Variants in GRHL2 observed in about 807,000 individuals in gnomAD.
GRHL2 encodes grainyhead-like protein 2 homolog.
A neutral mutation model predicts 83.8 loss-of-function variants in GRHL2; 21 were observed. The observed-to-expected ratio is 0.25, with a 90% CI of 0.18 to 0.36. The LOEUF is 0.36. Ranked by LOEUF, GRHL2 falls within the 10% of genes least tolerant of loss-of-function variation. The pLI is 1.00. For synonymous variants in GRHL2, 280 were observed against 278.9 expected (o/e 1.00, Z -0.04); for missense variants, 623 against 781.8 (o/e 0.80, Z 2.42).
At chr8:101,574,150 G>A (rs1189968787) in intron 6 of GRHL2, among the ~76,000 whole-genome samples, 1 of 152,188 alleles carries the variant, frequency 6.6e-6, no homozygotes, top group East Asian at 1.9e-4. Context: ...GTAAGTAGCT[G>A]TAAGTCAGAA....
At chr8:101,517,473 G>A (rs113633204) in intron 1 of GRHL2, among the ~76,000 whole-genome samples, 27 of 152,240 alleles carry the variant, frequency 1.8e-4, no homozygotes, top group African/African-American at 6.5e-4. Context: ...GCCACTAATG[G>A]CCACCAGCGC....
chr8:101,516,877 C>T (rs1300046015), intron 1 of GRHL2, among the ~76,000 whole-genome samples: 1 of 152,198 alleles, frequency 6.6e-6, no homozygotes, highest in African/African-American at 2.4e-5. Context: ...CCATCTGAAA[C>T]CTGCTTGCAT....
At chr8:101,515,155 T>C (rs987474561) in intron 1 of GRHL2, among the ~76,000 whole-genome samples, 1 of 130,808 alleles carries the variant, frequency 7.6e-6, no homozygotes, top group Non-Finnish European at 1.6e-5. Context: ...TCCCTCTCTC[T>C]TTCTCTCTCT....
chr8:101,531,675 T>C (rs1810932381), intron 1 of GRHL2, among the ~76,000 whole-genome samples: 3 of 152,212 alleles, frequency 2.0e-5, no homozygotes, highest in Non-Finnish European at 4.4e-5. Flanking sequence ...TTTCACTTTC[T>C]ATTGTTATAT....
At position 101,669,246 on chromosome 8, in the gene GRHL2, ATTTTTTTCTTT is replaced by A. The variant is rs1814150623; in HGVS notation, c.*2551_*2561del. The A allele has an allele frequency of 1.0e-4, 1 of 9,728 alleles. No individual in the cohort carries two copies. Among genetic ancestry groups the A allele is most frequent in the Admixed American group, 1.3e-3 (1 of 800 alleles). 0.6% of individuals were successfully genotyped at this position (9,728 alleles called of 1,614,324 possible). On this transcript the variant is annotated 3_prime_UTR_variant, in exon 16 of 16. Coordinates refer to ENST00000646743, the MANE Select transcript of GRHL2 (RefSeq NM_024915.4). The stretch of plus-strand genomic sequence containing the variant: ...AAGATCATGGACATGTGAAATGAGC[ATTTTTTTCTTT>A]TTTTTTTTTAACAAAGTCTGAACTG...
At chr8:101,632,127 A>G (rs1290982339) in intron 10 of GRHL2, 99 bp from the exon 11 acceptor site, 23 of 1,301,744 alleles carry the variant, frequency 1.8e-5, no homozygotes, top group Admixed American at 1.7e-5. Flanking sequence ...GGTATTCAGA[A>G]AGCTTCATAT....
chr8:101,539,844 G>A (rs1048173272), intron 1 of GRHL2, among the ~76,000 whole-genome samples: 1 of 152,086 alleles, frequency 6.6e-6, no homozygotes, highest in Admixed American at 6.5e-5. Context: ...CCTGTCATTA[G>A]GTTAGTCCCC....
intron 1 of GRHL2, among the ~76,000 whole-genome samples, chr8:101,493,813 C>A (rs1447912383): frequency 6.6e-6 from 1 of 151,982 alleles, no homozygotes; most frequent in Admixed American, 6.5e-5. Context: ...ACAGCCTGCG[C>A]GGCCGGAGCC....
chr8:101,622,202 C>T (rs1468368937), intron 9 of GRHL2, among the ~76,000 whole-genome samples: 1 of 152,130 alleles, frequency 6.6e-6, no homozygotes, highest in Non-Finnish European at 1.5e-5. Context: ...AACAGCAACA[C>T]CTTGTCAGAA....
chr8:101,602,854 G>A (rs1466985371), intron 8 of GRHL2, among the ~76,000 whole-genome samples: 1 of 152,240 alleles, frequency 6.6e-6, no homozygotes, highest in Non-Finnish European at 1.5e-5. Context: ...GTAGGCTGAA[G>A]CTGTAGGTAG....
At chr8:101,525,949 G>C (rs537667525) in intron 1 of GRHL2, among the ~76,000 whole-genome samples, 32 of 152,184 alleles carry the variant, frequency 2.1e-4, no homozygotes, top group Non-Finnish European at 3.5e-4. Flanking sequence ...CTGGGCAAGA[G>C]AGCAAGACTC....
chr8:101,625,272 T>C (rs1284017288), intron 9 of GRHL2, among the ~76,000 whole-genome samples: 1 of 152,010 alleles, frequency 6.6e-6, no homozygotes, highest in Admixed American at 6.6e-5. Context: ...ACTTTGGTAG[T>C]TGGAAATGAA....
the GRHL2 span, among the ~76,000 whole-genome samples, chr8:101,679,800 C>A: frequency 4.8e-5 from 7 of 145,636 alleles, no homozygotes; most frequent in Non-Finnish European, 4.5e-5. Context: ...AATTTTCAAC[C>A]CAGAATTTCA....
intron 1 of GRHL2, among the ~76,000 whole-genome samples, chr8:101,536,133 CTTAATTCCTTAAA>C (rs1811041158): frequency 2.0e-5 from 3 of 152,078 alleles, no homozygotes. Context: ...GAGAAAATGG[CTTAATTCCTTAAA>C]TTAAATAAGT....
intron 1 of GRHL2, among the ~76,000 whole-genome samples, chr8:101,521,151 A>C (rs934388879): frequency 2.0e-5 from 3 of 151,912 alleles, no homozygotes; most frequent in Admixed American, 1.3e-4. Context: ...GGAGTGAAGA[A>C]GAGAGGGAGG....
chr8:101,549,170 G>T (rs1034810889), intron 2 of GRHL2, among the ~76,000 whole-genome samples: 2 of 152,138 alleles, frequency 1.3e-5, no homozygotes, highest in Non-Finnish European at 2.9e-5. Flanking sequence ...CATGTTCTAG[G>T]CAGAGAGGAC....
rs138513151 is a variant in GRHL2 at position 101,668,489 on chromosome 8, C to T, written c.*1786C>T. 15 of 152,904 alleles carry T rather than the reference C, an allele frequency of 9.8e-5. No individual in the cohort carries two copies. In the East Asian group the frequency reaches 2.9e-3, roughly 30 times the overall value. 9.5% of individuals were successfully genotyped at this position (152,904 alleles called of 1,614,324 possible). On this transcript the variant is annotated 3_prime_UTR_variant, in exon 16 of 16. Coordinates refer to ENST00000646743, the MANE Select transcript of GRHL2 (RefSeq NM_024915.4). ...GGGCAGGTGCTGTGGCCAAGAAGAT[C>T]TCCGAGCAGCAGTGACGGGGCACCT...
chr8:101,573,528 C>A, intron 5 of GRHL2, 140 bp from the exon 6 acceptor site: 2 of 975,682 alleles, frequency 2.0e-6, no homozygotes, highest in Non-Finnish European at 3.2e-6. Flanking sequence ...GGTCTCATCT[C>A]TTTTGCCATA....
At chr8:101,617,861 C>T (rs900966830) in intron 8 of GRHL2, among the ~76,000 whole-genome samples, 2 of 152,126 alleles carry the variant, frequency 1.3e-5, no homozygotes, top group Non-Finnish European at 2.9e-5. Flanking sequence ...GAGGGCTGCT[C>T]TCCATAGTGT....
Sources: gnomAD v4.1 joint callset for allele counts (sites outside exome capture counted in the v4.1 genomes callset) on GRCh38, gnomAD v4.1.1 for gene constraint, MANE v1.5 for transcripts, NCBI Gene and HGNC (gene_info 2026-07-23, HGNC 2026-07-21) for gene names.